STK3: variants seen among roughly 807,000 people sequenced by gnomAD.
STK3 encodes serine/threonine kinase 3.
A neutral mutation model predicts 58.0 loss-of-function variants in STK3; 41 were observed. That is an observed-to-expected ratio of 0.71 (90% CI 0.55 to 0.92). STK3 has a LOEUF of 0.92. Among genes scored for constraint, STK3 ranks in the 40% least tolerant of loss-of-function variants. The probability of loss-of-function intolerance (pLI) is 0.00; values close to 1 mark genes in which losing one functional copy is unlikely to be tolerated. For missense variants in STK3, 479 were observed against 602.7 expected (o/e 0.79, Z 2.15); for synonymous variants, 170 against 191.0 (o/e 0.89, Z 0.91).
At chr8:98,387,873 C>CT (rs548274056) in intron 1 of STK3, among the ~76,000 whole-genome samples, 8,842 of 134,970 alleles carry the variant, frequency 0.066, 487 homozygotes, top group African/African-American at 0.17. Flanking sequence ...GTAAAATGCC[C>CT]TTTTTTTTTT....
chr8:98,540,956 T>C (rs1013208292), intron 9 of STK3, among the ~76,000 whole-genome samples: 3 of 152,214 alleles, frequency 2.0e-5, no homozygotes, highest in Non-Finnish European at 2.9e-5. Context: ...TAATATTTAG[T>C]AGCTTTCTAA....
intron 4 of STK3, among the ~76,000 whole-genome samples, chr8:98,707,766 G>A (rs768712172): frequency 1.3e-5 from 2 of 151,880 alleles, no homozygotes; most frequent in Admixed American, 6.6e-5. Flanking sequence ...GTAAATAATC[G>A]AGAACCTCTT....
chr8:98,831,669 T>C (rs1254181078), intron 3 of STK3, among the ~76,000 whole-genome samples: 2 of 152,222 alleles, frequency 1.3e-5, no homozygotes, highest in Non-Finnish European at 2.9e-5. Context: ...AAATATATTG[T>C]GTAGGTTTTT....
At chr8:98,804,605 T>C (rs2131641650) in intron 1 of STK3, among the ~76,000 whole-genome samples, 1 of 152,328 alleles carries the variant, frequency 6.6e-6, no homozygotes, top group South Asian at 2.1e-4. Context: ...AAGAATTTCT[T>C]ATCTTCAACT....
At chr8:98,846,807 C>T (rs1836221858) in intron 3 of STK3, among the ~76,000 whole-genome samples, 2 of 151,790 alleles carry the variant, frequency 1.3e-5, no homozygotes, top group Non-Finnish European at 2.9e-5. Context: ...GTGCTGAAAC[C>T]ACAAAGATAG....
chr8:98,654,220 C>G (rs1417783787), intron 6 of STK3, among the ~76,000 whole-genome samples: 1 of 152,094 alleles, frequency 6.6e-6, no homozygotes, highest in Non-Finnish European at 1.5e-5. Context: ...GAAACAGAAC[C>G]AAAGACAAAA....
chr8:98,350,352 G>A, the STK3 span, among the ~76,000 whole-genome samples: 1 of 152,156 alleles, frequency 6.6e-6, no homozygotes, highest in South Asian at 2.1e-4. Flanking sequence ...ATCATTATCA[G>A]CATTTTGGTC....
chr8:98,349,655 C>T, the STK3 span, among the ~76,000 whole-genome samples: 25 of 152,368 alleles, frequency 1.6e-4, no homozygotes, highest in East Asian at 4.8e-3. Flanking sequence ...CATTTCCATA[C>T]ATGCTCTGAA....
At chr8:98,823,910 A>G (rs955857360) in intron 1 of STK3, among the ~76,000 whole-genome samples, 10 of 152,206 alleles carry the variant, frequency 6.6e-5, no homozygotes, top group African/African-American at 2.4e-4. Flanking sequence ...ACGAGTAGCT[A>G]TATTTCATTA....
At chr8:98,510,459 G>GT (rs34660176) in intron 10 of STK3, among the ~76,000 whole-genome samples, 56,207 of 150,682 alleles carry the variant, frequency 0.37, 11,104 homozygotes, top group East Asian at 0.53. Flanking sequence ...ACATCAGAGG[G>GT]TTTTTTTTTA....
rs371690183 is a variant in STK3 at position 98,800,465 on chromosome 8, G to A, written c.26+25050C>T. On this transcript the variant is annotated intron_variant, in intron 1 of 10. Transcript: ENST00000419617. The surrounding 1 kb of genome is among the most constrained non-coding windows in gnomAD (Gnocchi z 4.8). ...CCTCACTCACTCTCAGCACCTCCTCGGCCTCGGTGTCCACTCTGGCCACGC... is the reference window on the plus strand; with the variant it reads ...CCTCACTCACTCTCAGCACCTCCTCAGCCTCGGTGTCCACTCTGGCCACGC... 4.6e-5 allele frequency among the ~76,000 whole-genome samples: 7 copies of A among 152,192 alleles called. No individual in the cohort carries two copies. Among genetic ancestry groups the A allele is most frequent in the African/African-American group, 1.4e-4 (6 of 41,460 alleles).
At chr8:98,911,734 G>T (rs1839143154) in intron 1 of STK3, among the ~76,000 whole-genome samples, 4 of 151,990 alleles carry the variant, frequency 2.6e-5, no homozygotes. Flanking sequence ...AATCGTGTTA[G>T]TATATTTTGA....
At chr8:98,838,817 C>T (rs1470939341) in intron 3 of STK3, among the ~76,000 whole-genome samples, 1 of 152,064 alleles carries the variant, frequency 6.6e-6, no homozygotes, top group East Asian at 1.9e-4. Context: ...TCACCAAACT[C>T]TCAAGGTTAT....
At chr8:98,371,227 G>T (rs1232480220), downstream of STK3, 1 of 152,214 alleles carries the variant, frequency 6.6e-6, no homozygotes, top group East Asian at 1.9e-4. Context: ...TGCCGAACTG[G>T]TGAAGTGGTA....
chr8:98,436,514 G>A (rs1028809633), intron 2 of STK3, among the ~76,000 whole-genome samples: 3 of 152,094 alleles, frequency 2.0e-5, no homozygotes, highest in South Asian at 4.1e-4. Flanking sequence ...TTGAAATTTC[G>A]GTCATCTTTG....
intron 6 of STK3, among the ~76,000 whole-genome samples, chr8:98,662,514 T>C (rs1179613459): frequency 6.6e-6 from 1 of 152,148 alleles, no homozygotes; most frequent in Non-Finnish European, 1.5e-5. Context: ...ATTGGAGGGA[T>C]TTTTTTAACA....
intron 6 of STK3, among the ~76,000 whole-genome samples, chr8:98,663,252 CA>C (rs1281260520): frequency 6.6e-6 from 1 of 152,084 alleles, no homozygotes; most frequent in Non-Finnish European, 1.5e-5. Context: ...TCTATGCAGC[CA>C]AAAGACACAT....
intron 9 of STK3, among the ~76,000 whole-genome samples, chr8:98,532,665 G>C (rs1346289964): frequency 6.6e-6 from 1 of 152,058 alleles, no homozygotes; most frequent in Non-Finnish European, 1.5e-5. Flanking sequence ...GCAATAATGA[G>C]GTATGCTTAT....
intron 1 of STK3, among the ~76,000 whole-genome samples, chr8:98,781,134 C>A (rs1832059903): frequency 6.6e-6 from 1 of 152,134 alleles, no homozygotes; most frequent in African/African-American, 2.4e-5. Flanking sequence ...ATACTGAGGT[C>A]CCCAAGAGAA....
Sources: gnomAD v4.1 joint callset for allele counts (sites outside exome capture counted in the v4.1 genomes callset) on GRCh38, gnomAD v4.1.1 for gene constraint, Gnocchi (gnomAD v3.1) non-coding constraint, MANE v1.5 for transcripts, NCBI Gene and HGNC (gene_info 2026-07-23, HGNC 2026-07-21) for gene names.